Variants in MTR observed in about 807,000 individuals in gnomAD.
MTR encodes the protein 5-methyltetrahydrofolate-homocysteine methyltransferase.
MTR carries 84 observed loss-of-function variants against 154.8 expected under a neutral mutation model. The observed-to-expected ratio is 0.54, with a 90% confidence interval of 0.45 to 0.65. MTR has a LOEUF of 0.65. MTR is among the 30% of genes least tolerant of loss of function. The pLI is 0.00. For missense variants in MTR, 1,275 were observed against 1,570.2 expected (o/e 0.81, Z 3.18); for synonymous variants, 554 against 553.9 (o/e 1.00, Z 0.00).
intron 3 of MTR, among the ~76,000 whole-genome samples, chr1:236,808,343 C>G (rs749177688): frequency 6.6e-6 from 1 of 152,122 alleles, no homozygotes; most frequent in Admixed American, 6.5e-5. Flanking sequence ...CTTGAACCTG[C>G]GTGTTTTGCC....
intron 18 of MTR, among the ~76,000 whole-genome samples, chr1:236,854,105 C>T (rs537147485): frequency 6.6e-6 from 1 of 152,284 alleles, no homozygotes; most frequent in East Asian, 1.9e-4. Flanking sequence ...GATAGAACTG[C>T]CAACTTTGCC....
At chr1:236,818,448 C>A (rs1397042108) in intron 8 of MTR, among the ~76,000 whole-genome samples, 5 of 152,172 alleles carry the variant, frequency 3.3e-5, no homozygotes, top group African/African-American at 7.2e-5. Flanking sequence ...CCAGGAGCCC[C>A]AAGATGAGGT....
At chr1:236,897,310 G>GCGCGTGCGCGCACA in intron 32 of MTR, among the ~76,000 whole-genome samples, 192 bp downstream of exon 32, 1 of 128,614 alleles carries the variant, frequency 7.8e-6, no homozygotes, top group African/African-American at 2.8e-5. Context: ...CCACACACAC[G>GCGCGTGCGCGCACA]CACACACACA....
chr1:236,810,554 C>CT lies in MTR; in HGVS notation c.462dup (p.Val155CysfsTer11). The CT allele has an allele frequency of 6.2e-7, 1 of 1,613,850 alleles. No individual in the cohort carries two copies. The highest frequency in any genetic ancestry group is 8.5e-7 in the Non-Finnish European group (1 of 1,179,806). On this transcript the variant is annotated frameshift_variant, in exon 5 of 33. Transcript: ENST00000366577. LOFTEE classifies it high-confidence loss of function. Reference sequence around the variant, plus strand: ...CTGGGTCCGACTAATAAGACACTCTCTGTGTCCCCATCTGTGGAAAGGCCG... The same window carrying CT: ...CTGGGTCCGACTAATAAGACACTCTCTTGTGTCCCCATCTGTGGAAAGGCCG...
At chr1:236,850,991 C>T (rs1663867017) in intron 16 of MTR, among the ~76,000 whole-genome samples, 1 of 152,186 alleles carries the variant, frequency 6.6e-6, no homozygotes, top group African/African-American at 2.4e-5. Context: ...TATAAAGTAG[C>T]TATTGTCCTG....
chr1:236,855,247 A>G (rs1167827216), intron 18 of MTR, among the ~76,000 whole-genome samples: 9 of 152,224 alleles, frequency 5.9e-5, no homozygotes, highest in African/African-American at 2.2e-4. Flanking sequence ...TGTCTGATAT[A>G]TTATTGAAAC....
chr1:236,845,494 C>G (rs965468399), intron 15 of MTR, among the ~76,000 whole-genome samples: 66 of 152,092 alleles, frequency 4.3e-4, no homozygotes, highest in African/African-American at 1.6e-3. Context: ...TAATGCCTGT[C>G]AAGAGACAAA....
In MTR at chr1:236,889,189, A is replaced by T. The variant is rs369001514; in HGVS notation, c.2860A>T (p.Thr954Ser). 6.2e-7 allele frequency: 1 copy of T among 1,614,062 alleles called. No homozygotes were observed. Among genetic ancestry groups the T allele is most frequent in the African/African-American group, 1.3e-5 (1 of 74,926 alleles). ...ATACTTCTCTCCTGTAGTGAAGCCCACGTTTATTGGGACCCAGGTCTTTGA... is the reference window on the plus strand; with the variant it reads ...ATACTTCTCTCCTGTAGTGAAGCCCTCGTTTATTGGGACCCAGGTCTTTGA... The part of the protein sequence containing the change: ...WLSEPHPVKP[T>S]FIGTQVFEDY... The change falls in exon 28 of 33, where the codon ACG (threonine) becomes TCG (serine). Residue 954 changes from threonine to serine, a missense_variant. By Grantham distance (58) the Thr-to-Ser change is moderately conservative (BLOSUM62 1). Coordinates refer to ENST00000366577, the MANE Select transcript of MTR (RefSeq NM_000254.3).
chr1:236,806,089 T>G (rs997026356), intron 2 of MTR, 55 bp from the exon 3 acceptor site: 1 of 1,455,792 alleles, frequency 6.9e-7, no homozygotes. Flanking sequence ...ATGTTTATTC[T>G]GGGGGCACAA....
chr1:236,834,509 T>G (rs759227732), intron 13 of MTR, among the ~76,000 whole-genome samples: 2 of 152,200 alleles, frequency 1.3e-5, no homozygotes, highest in Non-Finnish European at 2.9e-5. Flanking sequence ...TGTGATCCTT[T>G]TTCTCTATGT....
chr1:236,837,034 T>C (rs976072834), intron 14 of MTR, among the ~76,000 whole-genome samples: 4 of 152,190 alleles, frequency 2.6e-5, no homozygotes, highest in Non-Finnish European at 4.4e-5. Context: ...AGTAATTTCT[T>C]ATCTTTCTTG....
chr1:236,850,568 C>A, intron 16 of MTR, 45 bp downstream of exon 16: 1 of 1,544,116 alleles, frequency 6.5e-7, no homozygotes, highest in South Asian at 1.1e-5. Context: ...TCAAATTTGT[C>A]CCATGGGTCT....
At chr1:236,848,095 C>T (rs559932936) in intron 15 of MTR, among the ~76,000 whole-genome samples, 9 of 152,264 alleles carry the variant, frequency 5.9e-5, no homozygotes, top group South Asian at 2.1e-4. Context: ...CTGTGCTAGA[C>T]GCCATGAGAA....
rs200363767 is a variant in MTR, at chr1:236,894,432, C to T, written c.3280C>T (p.Arg1094Cys). ...DFIAPLHSGI[R>C]DYLGLFAVAC... ...CATCGCTCCCTTGCATTCTGGCATC[C>T]GTGACTACCTGGGCCTGTTTGCCGT... The change falls in exon 30 of 33, where the codon CGT becomes TGT. Residue 1094 changes from arginine (R) to cysteine (C), a missense_variant. Transcript: ENST00000366577. 1.8e-5 allele frequency: 29 copies of T among 1,614,208 alleles called. No homozygotes were observed. The East Asian group carries it at 4.7e-4, about 26-fold the overall frequency.
In MTR at chr1:236,825,410, CCCCT is replaced by C; in HGVS notation, c.927+12_927+15del. 1 of 1,606,754 alleles carries C rather than the reference CCCCT, an allele frequency of 6.2e-7. No homozygotes were observed. The highest frequency in any genetic ancestry group is 8.5e-7 in the Non-Finnish European group (1 of 1,173,518). On this transcript the variant is annotated intron_variant, in intron 10 of 32. Coordinates refer to ENST00000366577, the MANE Select transcript of MTR (RefSeq NM_000254.3). ...GCCAAGCACCTAAAGGTCAGGGGTC[CCCCT>C]TTCACTGGCTTTTTAAGAGAGACAG...
At chr1:236,819,019 T>G (rs1661765049) in intron 8 of MTR, among the ~76,000 whole-genome samples, 1 of 152,234 alleles carries the variant, frequency 6.6e-6, no homozygotes, top group Non-Finnish European at 1.5e-5. Context: ...TTTCTTTTTT[T>G]CTTTTGAGAT....
chr1:236,888,140 A>G (rs1469301136), intron 27 of MTR, among the ~76,000 whole-genome samples: 1 of 152,230 alleles, frequency 6.6e-6, no homozygotes, highest in Non-Finnish European at 1.5e-5. Context: ...AAAATACTCT[A>G]GAAGCTTCTG....
intron 1 of MTR, among the ~76,000 whole-genome samples, chr1:236,799,903 T>TG (rs770132195): frequency 9.2e-4 from 140 of 152,206 alleles, no homozygotes; most frequent in Non-Finnish European, 1.4e-3. Flanking sequence ...GTCAGGTTTC[T>TG]GAAAAACCAA....
At chr1:236,807,546 T>A (rs1215475684) in intron 3 of MTR, among the ~76,000 whole-genome samples, 3 of 152,216 alleles carry the variant, frequency 2.0e-5, no homozygotes, top group Non-Finnish European at 4.4e-5. Flanking sequence ...CCACCATTTA[T>A]TTTCTATTTT....
Sources: gnomAD v4.1 joint callset for allele counts (sites outside exome capture counted in the v4.1 genomes callset) on GRCh38, gnomAD v4.1.1 for gene constraint, MANE v1.5 for transcripts, NCBI Gene and HGNC (gene_info 2026-07-23, HGNC 2026-07-21) for gene names.